Variants in ZFYVE28 observed in about 807,000 individuals in gnomAD.
ZFYVE28 encodes the protein lateral signaling target protein 2 homolog.
A neutral mutation model predicts 82.1 loss-of-function variants in ZFYVE28; 40 were observed. The ratio of observed to expected loss-of-function variants is 0.49; its 90% CI spans 0.38 to 0.63. The LOEUF is 0.63. Among genes scored for constraint, ZFYVE28 ranks in the 30% least tolerant of loss-of-function variants. The probability of loss-of-function intolerance (pLI) is 0.00; values close to 1 mark genes in which losing one functional copy is unlikely to be tolerated. For missense variants in ZFYVE28, 1,321 were observed against 1,242.1 expected, an observed-to-expected ratio of 1.06 and a Z score of -0.96; for synonymous variants, 612 against 546.1, an observed-to-expected ratio of 1.12 and a Z score of -1.68.
chr4:2,391,089 C>G (rs1336237173), intron 1 of ZFYVE28, among the ~76,000 whole-genome samples: 1 of 152,248 alleles, frequency 6.6e-6, no homozygotes, highest in African/African-American at 2.4e-5. Flanking sequence ...CTCCCCCAAC[C>G]CCAAGCGCCC....
intron 8 of ZFYVE28, among the ~76,000 whole-genome samples, chr4:2,295,067 T>C (rs1168805253): frequency 6.6e-6 from 1 of 152,232 alleles, no homozygotes; most frequent in Non-Finnish European, 1.5e-5. Flanking sequence ...AAGCCCACCA[T>C]ACCAAGTGTT....
chr4:2,331,992 C>T (rs887053918), intron 6 of ZFYVE28, among the ~76,000 whole-genome samples: 1 of 152,236 alleles, frequency 6.6e-6, no homozygotes, highest in African/African-American at 2.4e-5. Context: ...CTGTTGACCC[C>T]CAGCGGTGCC....
At chr4:2,392,383 C>T (rs1369291676) in intron 1 of ZFYVE28, among the ~76,000 whole-genome samples, 1 of 152,150 alleles carries the variant, frequency 6.6e-6, no homozygotes, top group Non-Finnish European at 1.5e-5. Flanking sequence ...GTAAGTACAT[C>T]CTTTATCAGA....
chr4:2,365,004 G>C, intron 1 of ZFYVE28: 1 of 618,088 alleles, frequency 1.6e-6, no homozygotes, highest in Non-Finnish European at 2.0e-6. Context: ...CTCCCTAGGC[G>C]TCAGGCCCCG....
chr4:2,304,470 G>T lies in ZFYVE28; in HGVS notation c.1870C>A (p.Arg624=), dbSNP rs376535675. 6.2e-7 allele frequency: 1 copy of T among 1,613,342 alleles called. No individual in the cohort carries two copies. Among genetic ancestry groups the T allele is most frequent in the Admixed American group, 1.7e-5 (1 of 60,010 alleles). Residue 624 remains arginine (R), a synonymous_variant, in exon 8 of 13, where the codon CGG becomes AGG. Transcript: ENST00000290974. ...PPPSEDASNG[R]EPKAPTSDKC... Reference sequence around the variant, plus strand: ...TCGGAAGTGGGGGCTTTGGGCTCCCGCCCGTTGGAGGCATCTTCTGAGGGT... The same window carrying T: ...TCGGAAGTGGGGGCTTTGGGCTCCCTCCCGTTGGAGGCATCTTCTGAGGGT...
At chr4:2,305,928 G>C (rs17132433) in intron 7 of ZFYVE28, among the ~76,000 whole-genome samples, 5,183 of 152,322 alleles carry the variant, frequency 0.034, 226 homozygotes, top group African/African-American at 0.1. Flanking sequence ...AAATACCATT[G>C]GGCACTGGCT....
At chr4:2,350,679 C>G (rs1724292227) in intron 2 of ZFYVE28, among the ~76,000 whole-genome samples, 1 of 152,146 alleles carries the variant, frequency 6.6e-6, no homozygotes, top group East Asian at 1.9e-4. Context: ...GCCCCCACCC[C>G]CAACCTCCGG....
chr4:2,394,752 G>A lies in ZFYVE28; in HGVS notation c.39+23533C>T, dbSNP rs149816314. 1.8e-3 allele frequency among the ~76,000 whole-genome samples: 276 copies of A among 152,384 alleles called. No individual in the cohort carries two copies. Among genetic ancestry groups the A allele is most frequent in the African/African-American group, 6.5e-3 (270 of 41,602 alleles). On this transcript the variant is annotated intron_variant, in intron 1 of 12. Coordinates refer to ENST00000290974, the MANE Select transcript of ZFYVE28 (RefSeq NM_020972.3). The surrounding 1 kb of genome is among the most constrained non-coding windows in gnomAD (Gnocchi z 4.0). The stretch of plus-strand genomic sequence containing the variant: ...GCTGCATCGATGCCTGACTGCACGT[G>A]TGCGTGCTTCCATTACACTGTCGGC...
chr4:2,292,544 G>C (rs1477172610), intron 8 of ZFYVE28, among the ~76,000 whole-genome samples: 1 of 152,190 alleles, frequency 6.6e-6, no homozygotes, highest in African/African-American at 2.4e-5. Flanking sequence ...GCCTCTGAGG[G>C]GACGTCAGGA....
intron 8 of ZFYVE28, among the ~76,000 whole-genome samples, chr4:2,298,684 C>T (rs1715023593): frequency 6.6e-6 from 1 of 152,368 alleles, no homozygotes; most frequent in African/African-American, 2.4e-5. Flanking sequence ...GACTCAAGTA[C>T]AGTCACAGAG....
At chr4:2,273,058 G>A (rs1488339026) in intron 10 of ZFYVE28, 115 bp downstream of exon 10, 3 of 846,088 alleles carry the variant, frequency 3.5e-6, no homozygotes, top group Non-Finnish European at 3.8e-6. Flanking sequence ...CGATTGCTTG[G>A]TCGGGACCCT....
In ZFYVE28 at chr4:2,305,458, G is replaced by C. The variant is rs1716427035; in HGVS notation, c.882C>G (p.Phe294Leu). ...GTCCCTGCACGTCTGCGCGGATGGG[G>C]AACTCCACGTCTTGGGAAATGCAGA... Reference protein sequence around the residue: ...RNLCISQDVEFPIRADVQGPA... With the variant: ...RNLCISQDVELPIRADVQGPA... The change falls in exon 8 of 13, where the codon TTC becomes TTG. Residue 294 changes from phenylalanine to leucine, a missense_variant. Coordinates refer to ENST00000290974, the MANE Select transcript of ZFYVE28 (RefSeq NM_020972.3). 4 of 1,612,964 alleles carry C rather than the reference G, an allele frequency of 2.5e-6. No individual in the cohort carries two copies. The highest frequency in any genetic ancestry group is 3.4e-6 in the Non-Finnish European group (4 of 1,180,022).
At position 2,416,801 on chromosome 4, in the gene ZFYVE28, TC is replaced by T. The variant is rs200551420; in HGVS notation, c.39+1483del. On this transcript the variant is annotated intron_variant, in intron 1 of 12. Transcript: ENST00000290974. The surrounding 1 kb of genome is among the most constrained non-coding windows in gnomAD (Gnocchi z 4.6). ...GGAGTGACGCCACAGGAACCCTGAATCCCCCCGAGTCCCCTCCCAATCAAGC... is the reference window on the plus strand; with the variant it reads ...GGAGTGACGCCACAGGAACCCTGAATCCCCCGAGTCCCCTCCCAATCAAGC... Among the ~76,000 whole-genome samples, 1 of 113,562 alleles carries T rather than the reference TC, an allele frequency of 8.8e-6. No homozygotes were observed. Among genetic ancestry groups the T allele is most frequent in the African/African-American group, 4.4e-5 (1 of 22,976 alleles). 74.5% of individuals were successfully genotyped at this position (113,562 alleles called of 152,430 possible).
In ZFYVE28 at chr4:2,335,758, A is replaced by C. The variant is rs1441655249; in HGVS notation, c.648T>G (p.Ile216Met). The change falls in exon 6 of 13, where the codon ATT (isoleucine) becomes ATG (methionine). Residue 216 changes from isoleucine to methionine, a missense_variant. Around this residue, in one of 2 missense-constraint regions of ZFYVE28, gnomAD observed 343 missense variants for 408.4 expected, o/e 0.84. Transcript: ENST00000290974. This position sits in a 1 kb window ranked among gnomAD's most constrained non-coding sequence, Gnocchi z 5.8. ...ACATGAGGGCCGGCTCGTAGTCATC[A>C]ATCATGTCCTGAGTCAGGTACCCGA... ...LDFGYLTQDM[I>M]DDYEPALMFS... The C allele has an allele frequency of 6.4e-7, 1 of 1,572,158 alleles. No individual in the cohort carries two copies. The highest frequency in any genetic ancestry group is 8.6e-7 in the Non-Finnish European group (1 of 1,158,684).
chr4:2,337,716 A>T (rs1722073863), intron 4 of ZFYVE28, among the ~76,000 whole-genome samples: 1 of 152,032 alleles, frequency 6.6e-6, no homozygotes, highest in South Asian at 2.1e-4. Context: ...TACAAAAAAT[A>T]AAAAAGTCGG....
chr4:2,351,567 AGCAGG>A (rs1724449702), intron 2 of ZFYVE28, among the ~76,000 whole-genome samples: 1 of 152,180 alleles, frequency 6.6e-6, no homozygotes, highest in Admixed American at 6.5e-5. Context: ...TACAAAAATT[AGCAGG>A]GCATGGTGGC....
chr4:2,307,685 G>A (rs1005543287), intron 7 of ZFYVE28, among the ~76,000 whole-genome samples: 1 of 152,008 alleles, frequency 6.6e-6, no homozygotes, highest in African/African-American at 2.4e-5. Flanking sequence ...TTAGAGACAG[G>A]GTCTCACTAT....
chr4:2,292,048 C>T (rs1045926614), intron 8 of ZFYVE28, among the ~76,000 whole-genome samples: 16 of 152,208 alleles, frequency 1.1e-4, no homozygotes, highest in African/African-American at 2.2e-4. Context: ...AGAGCCAGCA[C>T]GTCCCCCAAC....
chr4:2,382,099 C>T (rs991653463), intron 1 of ZFYVE28, among the ~76,000 whole-genome samples: 1 of 152,228 alleles, frequency 6.6e-6, no homozygotes, highest in Non-Finnish European at 1.5e-5. Flanking sequence ...GGTTTGGGAA[C>T]CTCCACTAGA....
Sources: gnomAD v4.1 joint callset for allele counts (sites outside exome capture counted in the v4.1 genomes callset) on GRCh38, gnomAD v4.1.1 for gene constraint, gnomAD v4.1.1 regional missense constraint, Gnocchi (gnomAD v3.1) non-coding constraint, MANE v1.5 for transcripts, NCBI Gene and HGNC (gene_info 2026-07-23, HGNC 2026-07-21) for gene names.